DLGAP2: variants seen among roughly 807,000 people sequenced by gnomAD.
DLGAP2 encodes disks large-associated protein 2.
In DLGAP2, 26 loss-of-function variants were observed where a neutral mutation model predicts 100.3. That is an observed-to-expected ratio of 0.26 (90% CI 0.19 to 0.36). DLGAP2 has a LOEUF of 0.36. DLGAP2 is among the 10% of genes least tolerant of loss of function. The probability of loss-of-function intolerance (pLI) is 1.00; values close to 1 mark genes in which losing one functional copy is unlikely to be tolerated. For synonymous variants in DLGAP2, 886 were observed against 630.1 expected (o/e 1.41, Z -6.08); for missense variants, 1,858 against 1,453.2 (o/e 1.28, Z -4.53).
In DLGAP2 at chr8:1,547,237, C is replaced by T. The variant is rs372131932; in HGVS notation, c.173-1389C>T. Among the ~76,000 whole-genome samples the T allele has an allele frequency of 4.1e-4, 63 of 152,290 alleles. No individual in the cohort carries two copies. The South Asian group carries it at 8.7e-3, about 21-fold the overall frequency. On this transcript the variant is annotated intron_variant, in intron 4 of 14. Transcript: ENST00000637795. The stretch of plus-strand genomic sequence containing the variant: ...TTGGACGTCTGGTCTGGGCCTGGCA[C>T]TGCTGCGGGATGGCCCGTGGCTGTC...
chr8:1,459,503 C>T (rs1798413445), intron 3 of DLGAP2, among the ~76,000 whole-genome samples: 1 of 152,104 alleles, frequency 6.6e-6, no homozygotes, highest in Non-Finnish European at 1.5e-5. Flanking sequence ...TTGTCACTGT[C>T]AGGAAAACTT....
intron 1 of DLGAP2, among the ~76,000 whole-genome samples, chr8:814,312 A>G (rs6559188): frequency 0.11 from 17,436 of 152,214 alleles, 1,555 homozygotes; most frequent in East Asian, 0.52. Flanking sequence ...CATGTTTGCA[A>G]CACTAGTTTA....
chr8:1,532,655 G>GTA (rs1490493346), intron 4 of DLGAP2, among the ~76,000 whole-genome samples: 2 of 152,100 alleles, frequency 1.3e-5, no homozygotes, highest in African/African-American at 4.8e-5. Flanking sequence ...TTTAATGTAT[G>GTA]TATTTGATTC....
intron 3 of DLGAP2, among the ~76,000 whole-genome samples, chr8:1,314,538 T>C (rs1366903292): frequency 6.6e-6 from 1 of 152,170 alleles, no homozygotes. Flanking sequence ...CATGGCCGAG[T>C]TACCCTCCAG....
intron 3 of DLGAP2, among the ~76,000 whole-genome samples, chr8:1,353,730 C>T (rs1456679973): frequency 1.3e-5 from 2 of 151,944 alleles, no homozygotes; most frequent in African/African-American, 2.4e-5. Flanking sequence ...ATTTACTTAA[C>T]GTAAGATTCA....
At chr8:901,055 C>T (rs1234062110) in intron 1 of DLGAP2, among the ~76,000 whole-genome samples, 1 of 152,146 alleles carries the variant, frequency 6.6e-6, no homozygotes, top group Non-Finnish European at 1.5e-5. Context: ...CTTTAGGAGG[C>T]TGAGGCAGGA....
intron 2 of DLGAP2, among the ~76,000 whole-genome samples, chr8:1,189,893 G>C (rs1205888791): frequency 1.3e-5 from 2 of 152,124 alleles, no homozygotes; most frequent in Non-Finnish European, 2.9e-5. Flanking sequence ...GATGGGGGAG[G>C]GTAACTCACG....
At chr8:857,890 G>A (rs916635238) in intron 1 of DLGAP2, among the ~76,000 whole-genome samples, 2 of 149,000 alleles carry the variant, frequency 1.3e-5, no homozygotes, top group African/African-American at 5.0e-5. Context: ...TTTTTTTTGA[G>A]ACGGAGCCTC....
intron 6 of DLGAP2, among the ~76,000 whole-genome samples, chr8:1,573,031 G>GTCA: frequency 2.6e-5 from 2 of 78,084 alleles, no homozygotes; most frequent in African/African-American, 1.1e-4. Flanking sequence ...GGTGGACTGT[G>GTCA]GGGGTGTCTG....
At chr8:1,308,145 T>C (rs548478864) in intron 3 of DLGAP2, among the ~76,000 whole-genome samples, 1 of 152,296 alleles carries the variant, frequency 6.6e-6, no homozygotes, top group Non-Finnish European at 1.5e-5. Context: ...CCTGGGCTCG[T>C]TGCAAGCCAG....
In DLGAP2 at chr8:882,463, T is replaced by C. The variant is rs13250225; in HGVS notation, c.19-25449T>C. Among the ~76,000 whole-genome samples, 416 of 126,244 alleles carry C rather than the reference T, an allele frequency of 3.3e-3. 2 individuals are homozygous for C. The highest frequency in any genetic ancestry group is 8.5e-3 in the African/African-American group (277 of 32,546). The allele number at this position is 126,244 out of a possible 152,430, so 82.8% of individuals were successfully genotyped here. On this transcript the variant is annotated intron_variant, in intron 1 of 14. Transcript: ENST00000637795. ...CGGTACCTCTCCCTGCGGAGGCCTC[T>C]CCTGCGGGCACCCTCGCCTGATCCA...
At chr8:1,382,795 A>G (rs1796126820) in intron 3 of DLGAP2, among the ~76,000 whole-genome samples, 2 of 152,190 alleles carry the variant, frequency 1.3e-5, no homozygotes, top group African/African-American at 2.4e-5. Flanking sequence ...TATAGCAAGA[A>G]ATCAGAAGCC....
intron 6 of DLGAP2, among the ~76,000 whole-genome samples, chr8:1,602,612 C>T (rs138824327): frequency 6.6e-6 from 1 of 152,334 alleles, no homozygotes; most frequent in African/African-American, 2.4e-5. Context: ...GAGATGGCAC[C>T]AGCTACTCCA....
rs574618218 is a variant in DLGAP2, at chr8:1,606,443, A to G, written c.1443-20297A>G. On this transcript the variant is annotated intron_variant, in intron 6 of 14. Coordinates refer to ENST00000637795, the MANE Select transcript of DLGAP2 (RefSeq NM_001346810.2). ...CTCCTCCAACCCCTGGCAACCACGA[A>G]CCTGCATTCTCCCTGTCGTGGCCAT... 5.9e-5 allele frequency among the ~76,000 whole-genome samples: 9 copies of G among 152,152 alleles called. No homozygotes were observed. In the East Asian group the frequency reaches 1.7e-3, roughly 29 times the overall value.
chr8:1,459,453 G>T (rs1484667033), intron 3 of DLGAP2, among the ~76,000 whole-genome samples: 1 of 152,218 alleles, frequency 6.6e-6, no homozygotes, highest in Non-Finnish European at 1.5e-5. Context: ...TATTGCAACT[G>T]AGGAATGCTT....
At chr8:1,106,397 G>A (rs1446656232) in intron 2 of DLGAP2, among the ~76,000 whole-genome samples, 1 of 151,258 alleles carries the variant, frequency 6.6e-6, no homozygotes, top group Non-Finnish European at 1.5e-5. Flanking sequence ...GCCATTCTAG[G>A]AGGGTTTTCT....
intron 3 of DLGAP2, among the ~76,000 whole-genome samples, chr8:1,286,530 C>T (rs936664212): frequency 6.6e-6 from 1 of 152,068 alleles, no homozygotes. Flanking sequence ...AATGGAGGAC[C>T]GAGGCCTGTG....
chr8:923,449 T>TAAAA (rs1798754267), intron 2 of DLGAP2, among the ~76,000 whole-genome samples: 1 of 152,234 alleles, frequency 6.6e-6, no homozygotes, highest in South Asian at 2.1e-4. Flanking sequence ...CCCTCCATTT[T>TAAAA]AATTACCTTC....
At chr8:1,324,928 G>T (rs1361585568) in intron 3 of DLGAP2, among the ~76,000 whole-genome samples, 1 of 152,186 alleles carries the variant, frequency 6.6e-6, no homozygotes, top group African/African-American at 2.4e-5. Context: ...GTGCTGACCT[G>T]CTTGGCTCAG....
Sources: gnomAD v4.1 joint callset for allele counts (sites outside exome capture counted in the v4.1 genomes callset) on GRCh38, gnomAD v4.1.1 for gene constraint, MANE v1.5 for transcripts, NCBI Gene and HGNC (gene_info 2026-07-23, HGNC 2026-07-21) for gene names.